The following ESR2 variants were observed in gnomAD, a reference collection of about 807,000 sequenced individuals.
ESR2 encodes estrogen receptor beta.
ESR2 carries 36 observed loss-of-function variants against 49.6 expected under a neutral mutation model. That is an observed-to-expected ratio of 0.73 (90% CI 0.56 to 0.96). The LOEUF is 0.96. ESR2 is among the 40% of genes least tolerant of loss of function. The probability of loss-of-function intolerance (pLI) is 0.00; values close to 1 mark genes in which losing one functional copy is unlikely to be tolerated. For missense variants in ESR2, 714 were observed against 693.0 expected (o/e 1.03, Z -0.34); for synonymous variants, 320 against 266.1 (o/e 1.20, Z -1.97).
At chr14:64,244,452 A>G (rs1239380725) in intron 7 of ESR2, among the ~76,000 whole-genome samples, 1 of 151,666 alleles carries the variant, frequency 6.6e-6, no homozygotes, top group Non-Finnish European at 1.5e-5. Flanking sequence ...ATCTGCCCTT[A>G]GCCAATGTTG....
At chr14:64,276,899 A>C (rs1412619330) in intron 3 of ESR2, among the ~76,000 whole-genome samples, 1 of 152,232 alleles carries the variant, frequency 6.6e-6, no homozygotes, top group Non-Finnish European at 1.5e-5. Flanking sequence ...GGTAAGTGCC[A>C]CTAGTGAACA....
chr14:64,298,116 A>G (rs2076982481), upstream of ESR2, among the ~76,000 whole-genome samples: 1 of 152,260 alleles, frequency 6.6e-6, no homozygotes, highest in Non-Finnish European at 1.5e-5. Flanking sequence ...GTGATTTGAC[A>G]TTTGAAACTT....
chr14:64,283,873 C>T (rs2076736450), intron 1 of ESR2, among the ~76,000 whole-genome samples: 1 of 151,430 alleles, frequency 6.6e-6, no homozygotes, highest in South Asian at 2.1e-4. Context: ...AGAGACTGAC[C>T]AGTGTAACTG....
At chr14:64,309,888 C>T (rs1311448290) in intron 1 of ESR2, among the ~76,000 whole-genome samples, 1 of 151,938 alleles carries the variant, frequency 6.6e-6, no homozygotes, top group East Asian at 1.9e-4. Flanking sequence ...AGATCGAGAC[C>T]ATCCTGGCTA....
At chr14:64,305,028 C>T (rs749796125) in intron 1 of ESR2, among the ~76,000 whole-genome samples, 29 of 152,104 alleles carry the variant, frequency 1.9e-4, no homozygotes, top group Non-Finnish European at 2.8e-4. Context: ...TGGTGGCTCA[C>T]GCCTGTAATC....
At chr14:64,325,195 T>A (rs2077373614) in intron 1 of ESR2, among the ~76,000 whole-genome samples, 1 of 152,186 alleles carries the variant, frequency 6.6e-6, no homozygotes, top group South Asian at 2.1e-4. Flanking sequence ...AATCCTCAAT[T>A]ATTTAACAAA....
At chr14:64,338,508 A>C (rs1053377328), upstream of ESR2, 1 of 154,528 alleles carries the variant, frequency 6.5e-6, no homozygotes, top group Non-Finnish European at 1.5e-5. Context: ...GCTCCCGCGC[A>C]GGGACCCGCC....
At chr14:64,274,113 ATT>A (rs61539406) in intron 3 of ESR2, among the ~76,000 whole-genome samples, 1 of 141,914 alleles carries the variant, frequency 7.0e-6, no homozygotes, top group Non-Finnish European at 1.6e-5. Flanking sequence ...CTAATTTGTA[ATT>A]TTTTTTTTTT....
In ESR2 at chr14:64,257,543, A is replaced by G. The variant is rs568725698; in HGVS notation, c.953-179T>C. ...AGAAAACTTTGAAGTTAAGCTGCGC[A>G]ACTTAGTTTCCAGTCTTGGACCCCT... On this transcript the variant is annotated intron_variant, in intron 5 of 8. Coordinates refer to ENST00000341099, the MANE Select transcript of ESR2 (RefSeq NM_001437.3). The G allele has an allele frequency of 9.4e-6, 7 of 745,246 alleles. No homozygotes were observed. In the African/African-American group the frequency reaches 1.1e-4, roughly 11 times the overall value. The allele number at this position is 745,246 out of a possible 1,614,324, so 46.2% of individuals were successfully genotyped here. A position where few individuals can be genotyped will look rare whatever the true frequency, so the allele number is the denominator to read the frequency against.
chr14:64,299,399 C>CTTTT (rs541707521), upstream of ESR2, among the ~76,000 whole-genome samples: 6 of 125,646 alleles, frequency 4.8e-5, no homozygotes, highest in Non-Finnish European at 6.6e-5. Context: ...ACAGAAATAG[C>CTTTT]TTTTTTTTTT....
At chr14:64,269,737 T>TA (rs2076401354) in intron 3 of ESR2, among the ~76,000 whole-genome samples, 1 of 152,150 alleles carries the variant, frequency 6.6e-6, no homozygotes, top group Non-Finnish European at 1.5e-5. Flanking sequence ...GTACAGAAAA[T>TA]AAGGCCCATT....
chr14:64,314,377 T>C (rs890564670), intron 1 of ESR2, among the ~76,000 whole-genome samples: 1 of 150,514 alleles, frequency 6.6e-6, no homozygotes, highest in Non-Finnish European at 1.5e-5. Flanking sequence ...GGGAAATTTA[T>C]AGCACTAAAT....
intron 3 of ESR2, among the ~76,000 whole-genome samples, chr14:64,276,098 G>C (rs907107882): frequency 6.6e-6 from 1 of 152,088 alleles, no homozygotes; most frequent in Non-Finnish European, 1.5e-5. Context: ...TATAATGCCT[G>C]GGTATGAAAG....
At chr14:64,236,699 T>C (rs900356227) in intron 7 of ESR2, among the ~76,000 whole-genome samples, 2 of 152,082 alleles carry the variant, frequency 1.3e-5, no homozygotes, top group Non-Finnish European at 2.9e-5. Flanking sequence ...CCTGATTCTT[T>C]TGCTCATTTA....
chr14:64,324,363 T>G (rs1416575408), intron 1 of ESR2, among the ~76,000 whole-genome samples: 1 of 152,164 alleles, frequency 6.6e-6, no homozygotes, highest in African/African-American at 2.4e-5. Context: ...CTCTAAGGAT[T>G]TTTCCCCCTC....
chr14:64,275,690 GA>G (rs562900415), intron 3 of ESR2, among the ~76,000 whole-genome samples: 19 of 151,788 alleles, frequency 1.3e-4, no homozygotes, highest in African/African-American at 3.9e-4. Flanking sequence ...ATGACAGAGT[GA>G]GACTCTGTCT....
chr14:64,241,321 T>C lies in ESR2; in HGVS notation c.1226-6171A>G, dbSNP rs193080054. Among the ~76,000 whole-genome samples the C allele has an allele frequency of 2.4e-4, 37 of 152,336 alleles. 3 individuals are homozygous for C. Among genetic ancestry groups the C allele is most frequent in the Admixed American group, 2.2e-3 (34 of 15,308 alleles). Reference sequence around the variant, plus strand: ...GTAGTTGTATAGATTATTTCTGGACTCTCTGTTCCATTGATCTATTTGTTT... The same window carrying C: ...GTAGTTGTATAGATTATTTCTGGACCCTCTGTTCCATTGATCTATTTGTTT... On this transcript the variant is annotated intron_variant, in intron 7 of 8. Coordinates refer to ENST00000341099, the MANE Select transcript of ESR2 (RefSeq NM_001437.3).
At chr14:64,247,936 T>C (rs1406390950) in intron 7 of ESR2, among the ~76,000 whole-genome samples, 1 of 152,154 alleles carries the variant, frequency 6.6e-6, no homozygotes, top group Non-Finnish European at 1.5e-5. Flanking sequence ...TCTCTCCTAG[T>C]TGACCCAGAA....
At chr14:64,328,544 G>A (rs2077417283) in intron 1 of ESR2, among the ~76,000 whole-genome samples, 1 of 152,202 alleles carries the variant, frequency 6.6e-6, no homozygotes, top group Non-Finnish European at 1.5e-5. Flanking sequence ...CTGGGTAGTA[G>A]GATAATATTA....
Sources: gnomAD v4.1 joint callset for allele counts (sites outside exome capture counted in the v4.1 genomes callset) on GRCh38, gnomAD v4.1.1 for gene constraint, MANE v1.5 for transcripts, NCBI Gene and HGNC (gene_info 2026-07-23, HGNC 2026-07-21) for gene names.